RNF213: variants seen among roughly 807,000 people sequenced by gnomAD.
RNF213 encodes the protein ring finger protein 213.
A neutral mutation model predicts 514.4 loss-of-function variants in RNF213; 341 were observed. The ratio of observed to expected loss-of-function variants is 0.66; its 90% CI spans 0.61 to 0.73. The LOEUF (loss-of-function observed/expected upper bound fraction) is 0.73, where lower values mean the gene tolerates loss of function less well. Ranked by LOEUF, RNF213 falls within the 30% of genes least tolerant of loss-of-function variation. RNF213 has a pLI of 0.00. For missense variants in RNF213, 5,767 were observed against 6,615.6 expected, an observed-to-expected ratio of 0.87 and a Z score of 4.45; for synonymous variants, 2,655 against 2,658.2, an observed-to-expected ratio of 1.00 and a Z score of 0.04.
chr17:80,281,544 C>T (rs1298520271), intron 3 of RNF213, among the ~76,000 whole-genome samples: 3 of 79,274 alleles, frequency 3.8e-5, no homozygotes, highest in Non-Finnish European at 9.2e-5. Flanking sequence ...TCATACCACT[C>T]ACACACCCCC....
intron 55 of RNF213, 128 bp downstream of exon 55, chr17:80,379,842 T>TTGAATAGCAATGCCAAAGTCCCAGC: frequency 1.3e-6 from 1 of 792,894 alleles, no homozygotes; most frequent in Non-Finnish European, 2.2e-6. Flanking sequence ...CTGTGTCATA[T>TTGAATAGCAATGCCAAAGTCCCAGC]TGAATAGCAA....
intron 13 of RNF213, among the ~76,000 whole-genome samples, chr17:80,307,784 A>C (rs1026714875): frequency 6.6e-6 from 1 of 150,898 alleles, no homozygotes; most frequent in Non-Finnish European, 1.5e-5. Flanking sequence ...TTCTGACCTC[A>C]GGTGATCCGC....
intron 2 of RNF213, among the ~76,000 whole-genome samples, chr17:80,265,053 T>TG (rs2043566437): frequency 6.7e-6 from 1 of 149,646 alleles, no homozygotes; most frequent in African/African-American, 2.5e-5. Flanking sequence ...TGTTTTTTTT[T>TG]TTTTTTTTAG....
At position 80,298,438 on chromosome 17, in the gene RNF213, T is replaced by TGCCTGGAGACAGCCTGAGGAC. The variant is rs778154058; in HGVS notation, c.2131_2151dup (p.Ala711_Asp717dup). On this transcript the variant is annotated inframe_insertion, in exon 11 of 68. Coordinates refer to ENST00000582970, the MANE Select transcript of RNF213 (RefSeq NM_001256071.3). ...TGGAGCTGGCCCCGCGGCACAAGGA[T>TGCCTGGAGACAGCCTGAGGAC]GCCTGGAGACAGCCTGAGGACACCT... is the stretch of plus-strand genomic sequence containing the variant. The TGCCTGGAGACAGCCTGAGGAC allele has an allele frequency of 6.2e-7, 1 of 1,614,166 alleles. No individual in the cohort carries two copies. The highest frequency in any genetic ancestry group is 1.1e-5 in the South Asian group (1 of 91,086).
At chr17:80,300,486 C>T (rs2045136769) in intron 11 of RNF213, among the ~76,000 whole-genome samples, 1 of 152,068 alleles carries the variant, frequency 6.6e-6, no homozygotes, top group Admixed American at 6.6e-5. Context: ...TCAAGTGATC[C>T]ACCTGCCTCG....
chr17:80,261,175 C>G (rs2145049080), intron 1 of RNF213, among the ~76,000 whole-genome samples: 1 of 152,210 alleles, frequency 6.6e-6, no homozygotes, highest in Non-Finnish European at 1.5e-5. Context: ...CCCCGGAGCG[C>G]AGAGCGCGGA....
intron 21 of RNF213, 40 bp from the exon 22 acceptor site, chr17:80,334,063 TGG>T: frequency 3.3e-6 from 5 of 1,536,632 alleles, no homozygotes; most frequent in Non-Finnish European, 4.4e-6. Flanking sequence ...TCTGGGGTTC[TGG>T]TTAATGAGTT....
chr17:80,384,981 C>A, intron 59 of RNF213, 58 bp from the exon 60 acceptor site: 1 of 1,585,494 alleles, frequency 6.3e-7, no homozygotes, highest in Non-Finnish European at 8.7e-7. Flanking sequence ...AGTCTGTAAC[C>A]CCAATAACAT....
rs1393491955 is a variant in RNF213, at chr17:80,363,164, G to A, written c.11418G>A (p.Glu3806=). 1.9e-6 allele frequency: 3 copies of A among 1,614,242 alleles called. No homozygotes were observed. In the South Asian group the frequency reaches 3.3e-5, roughly 18 times the overall value. Residue 3806 remains glutamate, a synonymous_variant, in exon 40 of 68, where the codon GAG becomes GAA. Coordinates refer to ENST00000582970, the MANE Select transcript of RNF213 (RefSeq NM_001256071.3). ...RKLKAASEAP[E]EEVSLPWVHL... is the part of the protein sequence containing the mutation. ...TGAAAGCGGCGTCAGAAGCGCCCGA[G>A]GAAGAGGTTTCCTTACCGTGGGTGC...
intron 13 of RNF213, among the ~76,000 whole-genome samples, chr17:80,308,082 T>C (rs35864932): frequency 0.52 from 78,269 of 151,854 alleles, 21,411 homozygotes; most frequent in African/African-American, 0.7. Flanking sequence ...CTCCTGCAAA[T>C]TTGTGACCTC....
At chr17:80,310,363 C>T (rs2045525647) in intron 14 of RNF213, among the ~76,000 whole-genome samples, 1 of 152,052 alleles carries the variant, frequency 6.6e-6, no homozygotes, top group Admixed American at 6.5e-5. Context: ...AGTGATTCTC[C>T]TGCCTCAGCC....
At chr17:80,367,478 T>A (rs2079321229) in intron 42 of RNF213, among the ~76,000 whole-genome samples, 1 of 152,190 alleles carries the variant, frequency 6.6e-6, no homozygotes, top group Non-Finnish European at 1.5e-5. Flanking sequence ...ACTTAAAGTT[T>A]GAAATATCTT....
At chr17:80,389,056 A>T in intron 64 of RNF213, 117 bp from the exon 65 acceptor site, 2 of 963,442 alleles carry the variant, frequency 2.1e-6, no homozygotes, top group Non-Finnish European at 3.3e-6. Context: ...GTCAGCTGTT[A>T]GAGAGTTGGC....
At chr17:80,390,636 A>G (rs1336024664) in intron 67 of RNF213, among the ~76,000 whole-genome samples, 1 of 151,914 alleles carries the variant, frequency 6.6e-6, no homozygotes, top group African/African-American at 2.4e-5. Context: ...GCCTGAAATG[A>G]TCTGCCCGCT....
intron 3 of RNF213, chr17:80,278,889 G>A: frequency 6.5e-7 from 1 of 1,537,182 alleles, no homozygotes; most frequent in Non-Finnish European, 8.7e-7. Context: ...CCGCCAGCGT[G>A]CCTTCTGCAG....
chr17:80,376,860 T>C (rs762297341), intron 52 of RNF213, 22 bp from the exon 53 acceptor site: 3 of 1,607,920 alleles, frequency 1.9e-6, no homozygotes, highest in South Asian at 1.1e-5. Context: ...TCTAGAGCTG[T>C]CTCTGTCTTC....
chr17:80,380,908 G>A lies in RNF213; in HGVS notation c.13718G>A (p.Gly4573Glu). The A allele has an allele frequency of 6.2e-7, 1 of 1,614,140 alleles. No individual in the cohort carries two copies. The highest frequency in any genetic ancestry group is 8.5e-7 in the Non-Finnish European group (1 of 1,180,034). The change falls in exon 56 of 68, where the codon GGG becomes GAG. Residue 4573 changes from glycine (G) to glutamate (E), a missense_variant. Gly to Glu is a moderately conservative substitution (Grantham distance 98). Around this residue, in one of 13 missense-constraint regions of RNF213, gnomAD observed 1,245 missense variants for 1,339.0 expected, o/e 0.93. Coordinates refer to ENST00000582970, the MANE Select transcript of RNF213 (RefSeq NM_001256071.3). ...AGAGACGTGGTGACATGTGACCGAG[G>A]GCTGCCCCCAGTGGTCTTCCTCCTT... ...QRRDVVTCDR[G>E]LPPVVFLLIR...
At chr17:80,320,021 G>A (rs2046085856) in intron 17 of RNF213, 2 of 1,026,396 alleles carry the variant, frequency 1.9e-6, no homozygotes, top group South Asian at 7.6e-5. Flanking sequence ...TTAACTCTTT[G>A]TTGAGATATT....
chr17:80,375,655 A>T (rs2079722836), intron 50 of RNF213, 105 bp from the exon 51 acceptor site: 1 of 793,500 alleles, frequency 1.3e-6, no homozygotes, highest in African/African-American at 1.7e-5. Context: ...GTGAGCCGAG[A>T]TCATGCCACT....
Sources: allele counts gnomAD v4.1 joint callset (sites outside exome capture counted in the v4.1 genomes callset), GRCh38; gene constraint gnomAD v4.1.1; regional missense constraint gnomAD v4.1.1; transcripts MANE v1.5; gene names NCBI Gene and HGNC (gene_info 2026-07-23, HGNC 2026-07-21).